The following SPAG16 variants were observed in gnomAD, a reference collection of about 807,000 sequenced individuals.
SPAG16 encodes sperm associated antigen 16.
A neutral mutation model predicts 80.4 loss-of-function variants in SPAG16; 86 were observed. The observed-to-expected ratio is 1.07, with a 90% confidence interval of 0.90 to 1.28. The LOEUF (loss-of-function observed/expected upper bound fraction) is 1.28. Ranked by LOEUF, SPAG16 falls within the 50% of genes most tolerant of loss-of-function variation. SPAG16 has a pLI of 0.00. For missense variants in SPAG16, 870 were observed against 765.3 expected, an observed-to-expected ratio of 1.14 and a Z score of -1.61; for synonymous variants, 294 against 265.9, an observed-to-expected ratio of 1.11 and a Z score of -1.03.
intron 10 of SPAG16, among the ~76,000 whole-genome samples, chr2:213,719,833 C>T (rs1339079979): frequency 6.6e-6 from 1 of 152,176 alleles, no homozygotes; most frequent in Admixed American, 6.5e-5. Flanking sequence ...AATCCCATTA[C>T]TGAGTATATA....
intron 10 of SPAG16, among the ~76,000 whole-genome samples, chr2:213,804,552 A>G (rs144983073): frequency 0.011 from 1,721 of 152,200 alleles, 13 homozygotes; most frequent in Non-Finnish European, 0.018. Context: ...GCGTGGTGGC[A>G]GGCGCCTGTA....
chr2:214,351,553 A>G (rs1031635471), intron 15 of SPAG16, among the ~76,000 whole-genome samples: 7 of 152,020 alleles, frequency 4.6e-5, no homozygotes, highest in Non-Finnish European at 1.0e-4. Context: ...AATACAAAAA[A>G]TTAGCCGGGC....
At chr2:213,408,822 A>G (rs961616715) in intron 9 of SPAG16, among the ~76,000 whole-genome samples, 1 of 152,244 alleles carries the variant, frequency 6.6e-6, no homozygotes, top group African/African-American at 2.4e-5. Context: ...GGAACCATCT[A>G]TACCAATTCT....
intron 10 of SPAG16, among the ~76,000 whole-genome samples, chr2:213,718,449 A>G (rs1180477073): frequency 6.6e-6 from 1 of 152,166 alleles, no homozygotes; most frequent in East Asian, 1.9e-4. Flanking sequence ...TGGGCTGGCC[A>G]AGGCTGGAGC....
At chr2:214,200,059 G>A (rs1405875485) in intron 15 of SPAG16, among the ~76,000 whole-genome samples, 3 of 152,100 alleles carry the variant, frequency 2.0e-5, no homozygotes, top group Non-Finnish European at 2.9e-5. Context: ...GCAACAGTTT[G>A]TCTTCCTCTC....
intron 9 of SPAG16, among the ~76,000 whole-genome samples, chr2:213,399,691 C>G (rs1248537171): frequency 1.3e-5 from 2 of 151,836 alleles, no homozygotes; most frequent in African/African-American, 4.8e-5. Flanking sequence ...TTCCTTTCTT[C>G]TATTCTTTGA....
intron 10 of SPAG16, among the ~76,000 whole-genome samples, chr2:213,699,854 T>TG (rs1042025602): frequency 2.0e-5 from 3 of 152,212 alleles, no homozygotes; most frequent in African/African-American, 7.2e-5. Context: ...CATTTGTCCT[T>TG]GAAGTCATCA....
intron 9 of SPAG16, among the ~76,000 whole-genome samples, chr2:213,441,377 A>C (rs1165407030): frequency 6.6e-6 from 1 of 152,246 alleles, no homozygotes; most frequent in Non-Finnish European, 1.5e-5. Flanking sequence ...GTATGGAATG[A>C]AGGCAGCTAG....
chr2:214,379,236 C>T (rs1210241837), intron 15 of SPAG16, among the ~76,000 whole-genome samples: 1 of 152,156 alleles, frequency 6.6e-6, no homozygotes, highest in African/African-American at 2.4e-5. Context: ...GAATTTCCTA[C>T]CCAACCAACT....
At chr2:214,309,905 G>T (rs891197401) in intron 15 of SPAG16, among the ~76,000 whole-genome samples, 6 of 152,154 alleles carry the variant, frequency 3.9e-5, no homozygotes, top group African/African-American at 1.4e-4. Flanking sequence ...TGTCCTGCTG[G>T]AGACTGTGCT....
chr2:213,738,243 C>T (rs925089911), intron 10 of SPAG16, among the ~76,000 whole-genome samples: 1 of 152,048 alleles, frequency 6.6e-6, no homozygotes, highest in Non-Finnish European at 1.5e-5. Flanking sequence ...TTTCAAGACC[C>T]CCAGTGGATG....
chr2:214,220,513 C>A (rs2058540050), intron 15 of SPAG16, among the ~76,000 whole-genome samples: 1 of 152,062 alleles, frequency 6.6e-6, no homozygotes, highest in Non-Finnish European at 1.5e-5. Flanking sequence ...ACTCCCCAAC[C>A]CAAAGCCTTC....
intron 11 of SPAG16, among the ~76,000 whole-genome samples, chr2:213,903,469 G>A (rs140264791): frequency 4.6e-5 from 7 of 152,254 alleles, no homozygotes; most frequent in Admixed American, 2.0e-4. Context: ...CAAGCTCTAC[G>A]TTGGCCCCTT....
intron 15 of SPAG16, among the ~76,000 whole-genome samples, chr2:214,245,984 T>G (rs527456887): frequency 6.6e-6 from 1 of 152,278 alleles, no homozygotes; most frequent in Non-Finnish European, 1.5e-5. Flanking sequence ...AAAGACAGAT[T>G]TCTAGTATAC....
chr2:214,343,892 C>G (rs1473611640), intron 15 of SPAG16, among the ~76,000 whole-genome samples: 4 of 152,022 alleles, frequency 2.6e-5, no homozygotes, highest in African/African-American at 9.7e-5. Context: ...ATAGAAAGAA[C>G]CCAGCAATGA....
At chr2:213,929,180 G>C (rs2078639020) in intron 11 of SPAG16, among the ~76,000 whole-genome samples, 1 of 151,348 alleles carries the variant, frequency 6.6e-6, no homozygotes, top group South Asian at 2.1e-4. Flanking sequence ...TGCCCGGCTA[G>C]TTTTTGTATT....
At chr2:213,565,602 G>A (rs1440968592) in intron 10 of SPAG16, among the ~76,000 whole-genome samples, 1 of 152,190 alleles carries the variant, frequency 6.6e-6, no homozygotes, top group Non-Finnish European at 1.5e-5. Flanking sequence ...AGGCTGGGTG[G>A]CTGAGCAGGA....
intron 11 of SPAG16, among the ~76,000 whole-genome samples, chr2:213,895,124 C>T (rs1398277465): frequency 1.3e-5 from 2 of 150,490 alleles, no homozygotes; most frequent in African/African-American, 4.9e-5. Flanking sequence ...TATACACTGA[C>T]AGTGAAGAAT....
chr2:214,188,336 A>G (rs1332098656), intron 15 of SPAG16, among the ~76,000 whole-genome samples: 5 of 152,170 alleles, frequency 3.3e-5, no homozygotes, highest in Admixed American at 6.5e-5. Flanking sequence ...CATTCCACAC[A>G]TTTATAAAGC....
Sources: allele counts gnomAD v4.1 joint callset (sites outside exome capture counted in the v4.1 genomes callset), GRCh38; gene constraint gnomAD v4.1.1; transcripts MANE v1.5; gene names NCBI Gene and HGNC (gene_info 2026-07-23, HGNC 2026-07-21).